ZNF385B: variants seen among roughly 807,000 people sequenced by gnomAD.
ZNF385B encodes zinc finger protein 533.
Under a neutral mutation model 39.2 loss-of-function variants are expected in ZNF385B, and 23 were observed. That is an observed-to-expected ratio of 0.59 (90% confidence interval 0.42 to 0.83). The LOEUF is 0.83. Among genes scored for constraint, ZNF385B ranks in the 40% least tolerant of loss-of-function variants. The probability of loss-of-function intolerance (pLI) is 0.00; values close to 1 mark genes in which losing one functional copy is unlikely to be tolerated. For missense variants in ZNF385B, 552 were observed against 598.9 expected, an observed-to-expected ratio of 0.92 and a Z score of 0.82; for synonymous variants, 205 against 222.6, an observed-to-expected ratio of 0.92 and a Z score of 0.70.
chr2:179,603,757 G>A (rs1207883846), intron 3 of ZNF385B, among the ~76,000 whole-genome samples: 1 of 152,100 alleles, frequency 6.6e-6, no homozygotes, highest in Admixed American at 6.6e-5. Flanking sequence ...GATGAAAATA[G>A]GACTAGATTC....
intron 3 of ZNF385B, among the ~76,000 whole-genome samples, chr2:179,688,490 AAACAACAACAAC>A (rs75401653): frequency 6.7e-6 from 1 of 149,564 alleles, no homozygotes; most frequent in African/African-American, 2.5e-5. Context: ...TCCCCCTGCA[AAACAACAACAAC>A]AACAACAACA....
intron 6 of ZNF385B, among the ~76,000 whole-genome samples, chr2:179,475,387 G>T (rs918751434): frequency 1.3e-5 from 2 of 151,896 alleles, no homozygotes; most frequent in African/African-American, 4.8e-5. Context: ...GAGTAGCTGG[G>T]ACTACAGGCG....
intron 1 of ZNF385B, among the ~76,000 whole-genome samples, chr2:179,812,756 CA>C (rs1200638400): frequency 2.0e-5 from 3 of 152,080 alleles, no homozygotes; most frequent in Admixed American, 6.6e-5. Context: ...TAGAAAGTAT[CA>C]AAAACAAAGC....
At position 179,594,785 on chromosome 2, in the gene ZNF385B, T is replaced by C. The variant is rs558593315; in HGVS notation, c.299-49816A>G. ...GATACCAAGCCATTGTCTCAGTTGATATAGGTAAACTCTTTTTTTTTTTTT... is the reference window on the plus strand; with the variant it reads ...GATACCAAGCCATTGTCTCAGTTGACATAGGTAAACTCTTTTTTTTTTTTT... On this transcript the variant is annotated intron_variant, in intron 3 of 9. Transcript: ENST00000410066. 6.2e-5 allele frequency among the ~76,000 whole-genome samples: 9 copies of C among 146,250 alleles called. No individual in the cohort carries two copies. In the East Asian group the frequency reaches 1.8e-3, roughly 29 times the overall value.
chr2:179,726,140 C>A (rs1489516696), intron 3 of ZNF385B, among the ~76,000 whole-genome samples: 2 of 151,986 alleles, frequency 1.3e-5, no homozygotes, highest in Non-Finnish European at 2.9e-5. Flanking sequence ...ACTTCCTTTA[C>A]AACAAGTATG....
chr2:179,671,240 T>A (rs1297953063), intron 3 of ZNF385B, among the ~76,000 whole-genome samples: 2 of 152,204 alleles, frequency 1.3e-5, no homozygotes, highest in Admixed American at 1.3e-4. Flanking sequence ...TCCTCCCGCT[T>A]GAAATACTGA....
In ZNF385B at chr2:179,816,440, T is replaced by A. The variant is rs1707076447; in HGVS notation, c.-155+44661A>T. 2.6e-5 allele frequency among the ~76,000 whole-genome samples: 4 copies of A among 152,168 alleles called. No individual in the cohort carries two copies. The South Asian group carries it at 6.2e-4, about 24-fold the overall frequency. On this transcript the variant is annotated intron_variant, in intron 1 of 9. Coordinates refer to ENST00000410066, the MANE Select transcript of ZNF385B (RefSeq NM_152520.6). ...GGGAGTGATTCCTTAAAAACAAACG[T>A]AAGTTAGATCATGTCACTCTTCTGC...
At chr2:179,789,472 C>G (rs947882331) in intron 1 of ZNF385B, among the ~76,000 whole-genome samples, 1 of 152,112 alleles carries the variant, frequency 6.6e-6, no homozygotes, top group Non-Finnish European at 1.5e-5. Flanking sequence ...ATATAGGCAG[C>G]TGGCAGTCAA....
intron 5 of ZNF385B, among the ~76,000 whole-genome samples, chr2:179,487,240 A>G (rs2054672403): frequency 1.3e-5 from 2 of 152,232 alleles, no homozygotes; most frequent in Non-Finnish European, 2.9e-5. Context: ...GCCATGATCC[A>G]CTTCTGCTTC....
At chr2:179,858,018 C>G (rs1345184276) in intron 1 of ZNF385B, among the ~76,000 whole-genome samples, 1 of 152,070 alleles carries the variant, frequency 6.6e-6, no homozygotes, top group African/African-American at 2.4e-5. Context: ...AAGCTTGGTT[C>G]TCTTTTGGGA....
chr2:179,481,399 A>G (rs201027901), intron 6 of ZNF385B, among the ~76,000 whole-genome samples: 1 of 132,358 alleles, frequency 7.6e-6, no homozygotes, highest in Non-Finnish European at 1.7e-5. Flanking sequence ...TTTTTTTTCT[A>G]TTTTTTTCTC....
At chr2:179,800,798 T>C (rs1705981375) in intron 1 of ZNF385B, among the ~76,000 whole-genome samples, 1 of 152,104 alleles carries the variant, frequency 6.6e-6, no homozygotes, top group Non-Finnish European at 1.5e-5. Flanking sequence ...ATTTACATCA[T>C]CTCTTCTTTA....
intron 1 of ZNF385B, among the ~76,000 whole-genome samples, chr2:179,783,247 G>A (rs995965679): frequency 1.3e-5 from 2 of 152,024 alleles, no homozygotes; most frequent in Non-Finnish European, 2.9e-5. Flanking sequence ...GTCCCTATTC[G>A]ATAAATTGTG....
At chr2:179,819,034 TACACACACACACACACACAC>T (rs10556902) in intron 1 of ZNF385B, among the ~76,000 whole-genome samples, 3 of 148,090 alleles carry the variant, frequency 2.0e-5, no homozygotes, top group African/African-American at 5.0e-5. Context: ...TGTTTATAAA[TACACACACACACACACACAC>T]ACACACACAC....
At chr2:179,687,678 T>C (rs1698029360) in intron 3 of ZNF385B, among the ~76,000 whole-genome samples, 2 of 152,180 alleles carry the variant, frequency 1.3e-5, no homozygotes, top group African/African-American at 4.8e-5. Context: ...TGGAGTAAGA[T>C]AGGCCTTAGT....
At chr2:179,759,351 CAG>C (rs915786574) in intron 3 of ZNF385B, among the ~76,000 whole-genome samples, 1 of 152,150 alleles carries the variant, frequency 6.6e-6, no homozygotes, top group African/African-American at 2.4e-5. Flanking sequence ...ACCAGAATGA[CAG>C]AGAGAACTCA....
intron 6 of ZNF385B, among the ~76,000 whole-genome samples, chr2:179,455,688 G>A (rs72968267): frequency 0.12 from 17,561 of 151,780 alleles, 1,384 homozygotes; most frequent in East Asian, 0.37. Flanking sequence ...GTCAGTATGA[G>A]ACCAGCCTGG....
intron 3 of ZNF385B, among the ~76,000 whole-genome samples, chr2:179,734,056 C>T (rs1701578701): frequency 6.6e-6 from 1 of 152,080 alleles, no homozygotes; most frequent in African/African-American, 2.4e-5. Flanking sequence ...TTATATTTTG[C>T]ACATTATTCC....
At chr2:179,671,608 T>C (rs1447515460) in intron 3 of ZNF385B, among the ~76,000 whole-genome samples, 1 of 152,158 alleles carries the variant, frequency 6.6e-6, no homozygotes, top group Non-Finnish European at 1.5e-5. Flanking sequence ...ACCCTCATCA[T>C]AGGCACACAG....
Sources: allele counts gnomAD v4.1 joint callset (sites outside exome capture counted in the v4.1 genomes callset), GRCh38; gene constraint gnomAD v4.1.1; transcripts MANE v1.5; gene names NCBI Gene and HGNC (gene_info 2026-07-23, HGNC 2026-07-21).